Variants in MAML3 observed in about 807,000 individuals in gnomAD.
The protein encoded by MAML3 is mastermind like transcriptional coactivator 3.
Under a neutral mutation model 101.9 loss-of-function variants are expected in MAML3, and 27 were observed. The ratio of observed to expected loss-of-function variants is 0.27; its 90% CI spans 0.20 to 0.37. MAML3 has a LOEUF of 0.37. MAML3 is among the 10% of genes least tolerant of loss of function. The probability of loss-of-function intolerance (pLI) is 1.00; values close to 1 mark genes in which losing one functional copy is unlikely to be tolerated. For missense variants in MAML3, 1,316 were observed against 1,444.9 expected, an observed-to-expected ratio of 0.91 and a Z score of 1.45; for synonymous variants, 501 against 555.9, an observed-to-expected ratio of 0.90 and a Z score of 1.39.
chr4:140,099,575 A>G (rs1236305380), intron 1 of MAML3, among the ~76,000 whole-genome samples: 1 of 152,182 alleles, frequency 6.6e-6, no homozygotes, highest in Non-Finnish European at 1.5e-5. Context: ...TTTGTAGCCA[A>G]ACATGCTTGG....
At position 140,003,956 on chromosome 4, in the gene MAML3, C is replaced by T. The variant is rs890111087; in HGVS notation, c.469-112989G>A. On this transcript the variant is annotated intron_variant, in intron 1 of 4. Transcript: ENST00000509479. ...CTGTCAACTCAACCTTCCTCCCATT[C>T]CTGCTCTCCGCACAAGCAAGAGAAT... 2.0e-5 allele frequency among the ~76,000 whole-genome samples: 3 copies of T among 152,236 alleles called. No individual in the cohort carries two copies. The South Asian group carries it at 6.2e-4, about 32-fold the overall frequency.
At chr4:140,052,770 G>C (rs1311102498) in intron 1 of MAML3, among the ~76,000 whole-genome samples, 2 of 152,042 alleles carry the variant, frequency 1.3e-5, no homozygotes, top group Non-Finnish European at 2.9e-5. Flanking sequence ...CCTGACCTCA[G>C]GTGATCCACC....
intron 1 of MAML3, among the ~76,000 whole-genome samples, chr4:139,926,567 T>G (rs1733263845): frequency 6.6e-6 from 1 of 152,206 alleles, no homozygotes; most frequent in African/African-American, 2.4e-5. Context: ...ACCACTGCAC[T>G]CCAGCCTGGG....
chr4:139,755,163 G>T (rs997875164), intron 2 of MAML3, among the ~76,000 whole-genome samples: 12 of 152,232 alleles, frequency 7.9e-5, no homozygotes, highest in African/African-American at 2.9e-4. Flanking sequence ...ATGAATGACA[G>T]CCGGTTTGCT....
intron 1 of MAML3, among the ~76,000 whole-genome samples, chr4:140,140,067 T>C (rs1578705635): frequency 6.6e-6 from 1 of 152,332 alleles, no homozygotes. Context: ...CTCACGCCTA[T>C]AATCCCAGCA....
intron 2 of MAML3, among the ~76,000 whole-genome samples, chr4:139,847,054 C>T (rs1731464061): frequency 1.3e-5 from 2 of 152,330 alleles, no homozygotes; most frequent in East Asian, 1.9e-4. Flanking sequence ...GGACTGAGTG[C>T]TGACTGATTT....
At chr4:139,981,729 T>C (rs1419698056) in intron 1 of MAML3, among the ~76,000 whole-genome samples, 7 of 152,340 alleles carry the variant, frequency 4.6e-5, no homozygotes, top group Admixed American at 1.3e-4. Flanking sequence ...TTCCTTGTTA[T>C]AGATAACCAG....
At chr4:140,131,820 A>G (rs1728799388) in intron 1 of MAML3, among the ~76,000 whole-genome samples, 1 of 152,200 alleles carries the variant, frequency 6.6e-6, no homozygotes, top group Non-Finnish European at 1.5e-5. Context: ...GGGGCTGTGA[A>G]GGGTGAAGGT....
chr4:140,077,191 T>C (rs1727782520), intron 1 of MAML3, among the ~76,000 whole-genome samples: 1 of 152,180 alleles, frequency 6.6e-6, no homozygotes, highest in African/African-American at 2.4e-5. Context: ...AGGAATCCTA[T>C]CTCCAACAAA....
chr4:139,737,054 T>C (rs981163139), intron 2 of MAML3, among the ~76,000 whole-genome samples: 6 of 152,058 alleles, frequency 3.9e-5, no homozygotes. Flanking sequence ...GTTGCAACTG[T>C]GCTGTGGAGG....
chr4:139,956,520 T>C (rs888872604), intron 1 of MAML3, among the ~76,000 whole-genome samples: 9 of 152,194 alleles, frequency 5.9e-5, no homozygotes, highest in African/African-American at 2.2e-4. Flanking sequence ...ACTCAACTAT[T>C]TGCCTTTGGC....
At chr4:139,800,585 T>G (rs1293135608) in intron 2 of MAML3, among the ~76,000 whole-genome samples, 3 of 152,220 alleles carry the variant, frequency 2.0e-5, no homozygotes, top group Admixed American at 6.5e-5. Context: ...CCTCTTCAGC[T>G]GCTGCTCAGA....
intron 1 of MAML3, among the ~76,000 whole-genome samples, chr4:140,060,373 A>AAAAAAAAAAAAAAAAAAAAAAAAG (rs1375400701): frequency 6.9e-6 from 1 of 145,888 alleles, no homozygotes; most frequent in Non-Finnish European, 1.5e-5. Flanking sequence ...CTCAAAAAAA[A>AAAAAAAAAAAAAAAAAAAAAAAAG]AAAAAAAAAA....
chr4:139,771,215 G>C (rs896985442), intron 2 of MAML3, among the ~76,000 whole-genome samples: 3 of 152,168 alleles, frequency 2.0e-5, no homozygotes, highest in Non-Finnish European at 2.9e-5. Flanking sequence ...TTTTGGAGAG[G>C]GTTTTGGGCA....
intron 2 of MAML3, among the ~76,000 whole-genome samples, chr4:139,750,087 T>C (rs1446733973): frequency 6.6e-6 from 1 of 152,132 alleles, no homozygotes; most frequent in African/African-American, 2.4e-5. Context: ...CAAGAAACTC[T>C]GAATGGCAGA....
chr4:140,136,247 C>T (rs961906267), intron 1 of MAML3, among the ~76,000 whole-genome samples: 2 of 152,198 alleles, frequency 1.3e-5, no homozygotes, highest in Non-Finnish European at 2.9e-5. Flanking sequence ...ATCCCATAGC[C>T]TTGACTGTGA....
At chr4:140,024,812 C>T (rs1912528) in intron 1 of MAML3, among the ~76,000 whole-genome samples, 39,038 of 152,082 alleles carry the variant, frequency 0.26, 6,081 homozygotes, top group Non-Finnish European at 0.35. Flanking sequence ...TGGTTAGAGA[C>T]GTGAAAACAT....
At chr4:139,897,797 C>T (rs1578653496) in intron 1 of MAML3, among the ~76,000 whole-genome samples, 1 of 152,174 alleles carries the variant, frequency 6.6e-6, no homozygotes, top group African/African-American at 2.4e-5. Flanking sequence ...GGCACACAGG[C>T]CTTCTGACTG....
At chr4:139,980,852 C>G (rs1734431266) in intron 1 of MAML3, among the ~76,000 whole-genome samples, 1 of 152,128 alleles carries the variant, frequency 6.6e-6, no homozygotes, top group African/African-American at 2.4e-5. Context: ...TGGTCAGCCT[C>G]ACTCAGAGAA....
Sources: gnomAD v4.1 joint callset for allele counts (sites outside exome capture counted in the v4.1 genomes callset) on GRCh38, gnomAD v4.1.1 for gene constraint, MANE v1.5 for transcripts, NCBI Gene and HGNC (gene_info 2026-07-23, HGNC 2026-07-21) for gene names.